NUMB: variants seen among roughly 807,000 people sequenced by gnomAD.
NUMB encodes the protein protein numb homolog.
Under a neutral mutation model 59.7 loss-of-function variants are expected in NUMB, and 29 were observed. That is an observed-to-expected ratio of 0.49 (90% CI 0.36 to 0.66). NUMB has a LOEUF of 0.66. Ranked by LOEUF, NUMB falls within the 30% of genes least tolerant of loss-of-function variation. The pLI is 0.00. For missense variants in NUMB, 723 were observed against 822.0 expected (o/e 0.88, Z 1.47); for synonymous variants, 288 against 288.2 (o/e 1.00, Z 0.01).
rs1172254479 is a variant in NUMB, at chr14:73,350,074, T to TACACACACACACACACACAC, written c.126+5551_126+5552insGTGTGTGTGTGTGTGTGTGT. On this transcript the variant is annotated intron_variant, in intron 4 of 12. Transcript: ENST00000555238. ...ATACATACATATATACATACATACA[T>TACACACACACACACACACAC]ACATACACACACACACACACACACA... Among the ~76,000 whole-genome samples the TACACACACACACACACACAC allele has an allele frequency of 4.0e-3, 522 of 131,054 alleles. 4 individuals carry two copies. Among genetic ancestry groups the TACACACACACACACACACAC allele is most frequent in the African/African-American group, 0.015 (482 of 32,536 alleles). 86.0% of individuals were successfully genotyped at this position (131,054 alleles called of 152,430 possible). A position where few individuals can be genotyped will look rare whatever the true frequency, so the allele number is the denominator to read the frequency against.
chr14:73,344,910 T>A (rs754574852), intron 4 of NUMB, among the ~76,000 whole-genome samples: 3 of 152,236 alleles, frequency 2.0e-5, no homozygotes, highest in Non-Finnish European at 2.9e-5. Flanking sequence ...TTAAAAAATA[T>A]GTTAGTAGAC....
At chr14:73,452,516 C>T (rs1884060805) in intron 1 of NUMB, among the ~76,000 whole-genome samples, 2 of 152,052 alleles carry the variant, frequency 1.3e-5, no homozygotes, top group African/African-American at 4.8e-5. Context: ...AGCAAGACAC[C>T]GTCTCAAAAA....
chr14:73,276,484 G>T lies in NUMB; in HGVS notation c.*94C>A. 1 of 916,356 alleles carries T rather than the reference G, an allele frequency of 1.1e-6. No homozygotes were observed. Among genetic ancestry groups the T allele is most frequent in the Non-Finnish European group, 1.7e-6 (1 of 600,694 alleles). The allele number at this position is 916,356 out of a possible 1,614,324, so 56.8% of individuals were successfully genotyped here. A position where few individuals can be genotyped will look rare whatever the true frequency, so the allele number is the denominator to read the frequency against. On this transcript the variant is annotated 3_prime_UTR_variant, in exon 13 of 13. Transcript: ENST00000555238. The stretch of plus-strand genomic sequence containing the variant: ...GGGACCTTTGGGATTAGTGAAAAGA[G>T]TACTAATCAGGAGACAAAGTCTGTT...
chr14:73,282,475 A>T lies in NUMB; in HGVS notation c.980T>A (p.Ile327Asn). 1 of 1,614,060 alleles carries T rather than the reference A, an allele frequency of 6.2e-7. No homozygotes were observed. ...GGTGATCTGTGAGCACAGGGAGCTG[A>T]TGCTCTCTGCCTCCCCTTCTACTTC... ...VPEVEGEAES[I>N]SSLCSQITNA... Residue 327 changes from isoleucine to asparagine, a missense_variant, in exon 11 of 13, where the codon ATC (isoleucine) becomes AAC (asparagine). Around this residue, in one of 2 missense-constraint regions of NUMB, gnomAD observed 317 missense variants for 436.6 expected, o/e 0.73. Coordinates refer to ENST00000555238, the MANE Select transcript of NUMB (RefSeq NM_001005743.2).
chr14:73,356,363 C>A (rs1353226299), intron 3 of NUMB, among the ~76,000 whole-genome samples: 1 of 152,160 alleles, frequency 6.6e-6, no homozygotes, highest in Non-Finnish European at 1.5e-5. Context: ...ACACTTAAAG[C>A]CAGGTGCAAT....
chr14:73,415,478 C>T (rs1240158377), intron 1 of NUMB, among the ~76,000 whole-genome samples: 1 of 151,122 alleles, frequency 6.6e-6, no homozygotes, highest in African/African-American at 2.4e-5. Context: ...AACTATTTCT[C>T]CTTACTGTCT....
In NUMB at chr14:73,360,463, C is replaced by T. The variant is rs1416899199; in HGVS notation, c.-15-4697G>A. Among the ~76,000 whole-genome samples, 5 of 152,246 alleles carry T rather than the reference C, an allele frequency of 3.3e-5. 1 individual carries two copies. The South Asian group carries it at 1.0e-3, about 32-fold the overall frequency. On this transcript the variant is annotated intron_variant, in intron 3 of 12. Transcript: ENST00000555238. ...AGCCCAGCTACTCGGGAGGCTGAGG[C>T]AGGAGTATCACTTGAACCCGGGAGG... is the stretch of plus-strand genomic sequence containing the variant.
Position 73,277,126 on chromosome 14 carries a change from G to C in NUMB, c.1408C>G (p.Pro470Ala), listed in dbSNP as rs1320291668. ...GGCTGGGAGATGGCAGTGGGTGGAG[G>C]AGGCTGGAGAACTGGCTGCAGAGGA... Reference protein sequence around the residue: ...AAPLQPVLQPPPPTAISQPAS... With the variant: ...AAPLQPVLQPAPPTAISQPAS... The change falls in exon 13 of 13, where the codon CCT becomes GCT. Residue 470 changes from proline to alanine, a missense_variant. By Grantham distance (27) the Pro-to-Ala change is conservative (BLOSUM62 -1). Transcript: ENST00000555238. The C allele has an allele frequency of 6.2e-7, 1 of 1,614,028 alleles. No individual in the cohort carries two copies. Among genetic ancestry groups the C allele is most frequent in the Non-Finnish European group, 8.5e-7 (1 of 1,180,012 alleles).
chr14:73,335,302 C>CAAAAAA (rs10556271), intron 4 of NUMB, among the ~76,000 whole-genome samples: 143 of 100,204 alleles, frequency 1.4e-3, no homozygotes, highest in East Asian at 2.9e-3. Flanking sequence ...GCCAAAAAGA[C>CAAAAAA]AAAAAAAAAA....
chr14:73,433,652 T>C (rs1174387956), intron 1 of NUMB, among the ~76,000 whole-genome samples: 2 of 152,136 alleles, frequency 1.3e-5, no homozygotes, highest in East Asian at 3.8e-4. Flanking sequence ...TTATCTTCTC[T>C]AGAAAAGCAA....
intron 2 of NUMB, among the ~76,000 whole-genome samples, chr14:73,398,167 T>C (rs777850045): frequency 1.8e-4 from 28 of 152,094 alleles, no homozygotes; most frequent in Non-Finnish European, 3.1e-4. Context: ...GTTCACCAAA[T>C]TGTTAACGGA....
intron 1 of NUMB, among the ~76,000 whole-genome samples, chr14:73,446,350 G>A (rs1322514215): frequency 6.6e-6 from 1 of 152,076 alleles, no homozygotes; most frequent in East Asian, 1.9e-4. Context: ...GCTCACGCCT[G>A]TAATCCCAGC....
At chr14:73,457,644 G>A (rs1191416750) in intron 1 of NUMB, 1 of 152,150 alleles carries the variant, frequency 6.6e-6, no homozygotes, top group Non-Finnish European at 1.5e-5. Flanking sequence ...TCTCAAACGC[G>A]AGCCACTCCT....
chr14:73,336,090 C>T (rs745677241), intron 4 of NUMB, among the ~76,000 whole-genome samples: 8 of 151,972 alleles, frequency 5.3e-5, no homozygotes, highest in Admixed American at 1.3e-4. Flanking sequence ...ATAAGGTGTC[C>T]AAAAAGTGAG....
intron 2 of NUMB, among the ~76,000 whole-genome samples, chr14:73,371,996 C>T (rs1393573163): frequency 6.6e-6 from 1 of 152,010 alleles, no homozygotes; most frequent in African/African-American, 2.4e-5. Flanking sequence ...CTTTGGAAGG[C>T]AGGCGTGGGA....
intron 2 of NUMB, among the ~76,000 whole-genome samples, chr14:73,372,378 TATAA>T (rs1278805273): frequency 6.9e-6 from 1 of 144,762 alleles, no homozygotes; most frequent in Non-Finnish European, 1.5e-5. Context: ...TATATATATA[TATAA>T]ATGTGTATGT....
At chr14:73,346,973 A>G (rs938417371) in intron 4 of NUMB, among the ~76,000 whole-genome samples, 1 of 152,176 alleles carries the variant, frequency 6.6e-6, no homozygotes, top group African/African-American at 2.4e-5. Flanking sequence ...ACAAAACACA[A>G]AAGGAAATCA....
chr14:73,426,064 C>A (rs780243229), intron 1 of NUMB, among the ~76,000 whole-genome samples: 10 of 151,990 alleles, frequency 6.6e-5, no homozygotes, highest in Non-Finnish European at 1.3e-4. Flanking sequence ...CCCACCTTGG[C>A]CTCCAAAAGT....
intron 4 of NUMB, among the ~76,000 whole-genome samples, chr14:73,333,283 C>T (rs1233652256): frequency 1.3e-5 from 2 of 152,294 alleles, no homozygotes; most frequent in Middle Eastern, 3.4e-3. Flanking sequence ...GCCAACCAAG[C>T]GAGTGTGAAG....
Sources: allele counts gnomAD v4.1 joint callset (sites outside exome capture counted in the v4.1 genomes callset), GRCh38; gene constraint gnomAD v4.1.1; regional missense constraint gnomAD v4.1.1; transcripts MANE v1.5; gene names NCBI Gene and HGNC (gene_info 2026-07-23, HGNC 2026-07-21).